The following STRAP variants were observed in gnomAD, a reference collection of about 807,000 sequenced individuals.
STRAP encodes the protein serine/threonine kinase receptor associated protein, also known as serine-threonine kinase receptor-associated protein.
A neutral mutation model predicts 47.0 loss-of-function variants in STRAP; 16 were observed. The ratio of observed to expected loss-of-function variants is 0.34; its 90% CI spans 0.23 to 0.52. The LOEUF (loss-of-function observed/expected upper bound fraction) is 0.52. Ranked by LOEUF, STRAP falls within the 20% of genes least tolerant of loss-of-function variation. The pLI, the probability that STRAP is intolerant of heterozygous loss-of-function variation, is 0.96. For synonymous variants in STRAP, 130 were observed against 142.7 expected (o/e 0.91, Z 0.63); for missense variants, 293 against 420.0 (o/e 0.70, Z 2.64).
rs1323503375 is a variant in STRAP at position 15,887,740 on chromosome 12, T to C, written c.249-2188T>C. Among the ~76,000 whole-genome samples, 1 of 152,182 alleles carries C rather than the reference T, an allele frequency of 6.6e-6. No homozygotes were observed. On this transcript the variant is annotated intron_variant, in intron 2 of 9. Transcript: ENST00000419869. This position sits in a 1 kb window ranked among gnomAD's most constrained non-coding sequence, Gnocchi z 5.5. The stretch of plus-strand genomic sequence containing the variant: ...AGATTTTAGAGCTGCCATGTTGGCG[T>C]TAGCCTGTAGCTACTTAGGAGGCTG...
In STRAP at chr12:15,883,163, C is replaced by T. The variant is rs767118947; in HGVS notation, c.112+344C>T. ...GATTTGGGGAAAGGAGAAATTAGGC[C>T]AGGCCGTGCAATACCTTACAAAGAC... On this transcript the variant is annotated intron_variant, in intron 1 of 9. Coordinates refer to ENST00000419869, the MANE Select transcript of STRAP (RefSeq NM_007178.4). 3.5e-5 allele frequency: 54 copies of T among 1,528,316 alleles called. 1 individual carries two copies. The South Asian group carries it at 5.8e-4, about 17-fold the overall frequency. The allele number at this position is 1,528,316 out of a possible 1,614,324, so 94.7% of individuals were successfully genotyped here.
chr12:15,882,679 C>A lies in STRAP; in HGVS notation c.-29C>A. ...AAAGACAACGACGACCCTCAGCTCG[C>A]CAGTCCGGTCGCTGGCTTCGCCGCC... On this transcript the variant is annotated 5_prime_UTR_variant, in exon 1 of 10. Transcript: ENST00000419869. 12 of 1,583,382 alleles carry A rather than the reference C, an allele frequency of 7.6e-6. No individual in the cohort carries two copies. The highest frequency in any genetic ancestry group is 1.0e-5 in the Non-Finnish European group (12 of 1,163,762).
intron 8 of STRAP, 85 bp from the exon 9 acceptor site, chr12:15,900,862 T>A: frequency 9.2e-7 from 1 of 1,087,752 alleles, no homozygotes; most frequent in Middle Eastern, 2.2e-4. Flanking sequence ...TGGAATAGTC[T>A]TATGTTGCTC....
At chr12:15,901,048 G>T in intron 9 of STRAP, 36 bp downstream of exon 9, 1 of 1,490,864 alleles carries the variant, frequency 6.7e-7, no homozygotes, top group South Asian at 1.4e-5. Flanking sequence ...TAAGAGTCTT[G>T]GGGGATTTAA....
intron 2 of STRAP, among the ~76,000 whole-genome samples, chr12:15,884,382 C>T (rs59525962): frequency 6.6e-6 from 1 of 152,206 alleles, no homozygotes; most frequent in South Asian, 2.1e-4. Context: ...CACTTCTCTA[C>T]TAATGATCTT....
intron 2 of STRAP, 31 bp from the exon 3 acceptor site, chr12:15,889,897 A>T: frequency 1.9e-6 from 3 of 1,569,374 alleles, no homozygotes; most frequent in Non-Finnish European, 2.6e-6. Flanking sequence ...GGTAATATTT[A>T]TCCTACTAAT....
rs1187545585 is a variant in STRAP at position 15,901,017 on chromosome 12, ATG to A, written c.991+6_991+7del. 5.7e-6 allele frequency: 9 copies of A among 1,581,630 alleles called. No homozygotes were observed. The highest frequency in any genetic ancestry group is 7.7e-6 in the Non-Finnish European group (9 of 1,164,742). ...AGACAACAGAAGAGGAGCTAGGTAA[ATG>A]CTATGGAATTGACTTTTGTAAGAGT... On this transcript the variant is annotated splice_donor_region_variant and intron_variant, in intron 9 of 9. Coordinates refer to ENST00000419869, the MANE Select transcript of STRAP (RefSeq NM_007178.4).
rs116303382 is a variant in STRAP at position 15,887,913 on chromosome 12, G to A, written c.249-2015G>A. 0.02 allele frequency among the ~76,000 whole-genome samples: 3,026 copies of A among 152,160 alleles called. 102 individuals are homozygous for A. Among genetic ancestry groups the A allele is most frequent in the African/African-American group, 0.07 (2,895 of 41,514 alleles). ...ATTAGCATATCAAAGGACATTGCCC[G>A]GGTTTCTTTGGAGACTTGTGAATAA... On this transcript the variant is annotated intron_variant, in intron 2 of 9. Transcript: ENST00000419869. The surrounding 1 kb of genome is among the most constrained non-coding windows in gnomAD (Gnocchi z 5.5).
At chr12:15,893,552 TTTA>T (rs1332492260) in intron 4 of STRAP, among the ~76,000 whole-genome samples, 1 of 147,386 alleles carries the variant, frequency 6.8e-6, no homozygotes, top group Admixed American at 6.8e-5. Context: ...TGCTTTTATA[TTTA>T]TTATACTTAT....
rs1312860195 is a variant in STRAP, at chr12:15,887,273, A to C, written c.249-2655A>C. Among the ~76,000 whole-genome samples the C allele has an allele frequency of 2.6e-5, 4 of 152,148 alleles. No individual in the cohort carries two copies. The highest frequency in any genetic ancestry group is 9.7e-5 in the African/African-American group (4 of 41,422). ...GACTTACGGTAAGTTCATTCTGAGG[A>C]TATGGAAAGTATCAGGCAGCATTAT... On this transcript the variant is annotated intron_variant, in intron 2 of 9. Coordinates refer to ENST00000419869, the MANE Select transcript of STRAP (RefSeq NM_007178.4). The surrounding 1 kb of genome is among the most constrained non-coding windows in gnomAD (Gnocchi z 5.5).
chr12:15,898,086 ATT>A (rs139633583), intron 7 of STRAP, 68 bp downstream of exon 7: 5 of 1,321,416 alleles, frequency 3.8e-6, no homozygotes, highest in Non-Finnish European at 5.1e-6. Flanking sequence ...TTAACACCTC[ATT>A]TATATATATA....
In STRAP at chr12:15,903,062, G is replaced by C. The variant is rs1565578642; in HGVS notation, c.*84G>C. ...CATCAGCCTTCCAGAGTTACTGTCT[G>C]CTTAAGGCAGAAACAGCAGTAAATA... On this transcript the variant is annotated 3_prime_UTR_variant, in exon 10 of 10. Transcript: ENST00000419869. 1 of 1,382,504 alleles carries C rather than the reference G, an allele frequency of 7.2e-7. No homozygotes were observed. Among genetic ancestry groups the C allele is most frequent in the Non-Finnish European group, 9.6e-7 (1 of 1,041,942 alleles). 85.6% of individuals were successfully genotyped at this position (1,382,504 alleles called of 1,614,324 possible).
chr12:15,898,051 T>C (rs1168344445), intron 7 of STRAP, 33 bp downstream of exon 7: 1 of 1,575,554 alleles, frequency 6.3e-7, no homozygotes, highest in East Asian at 2.4e-5. Context: ...TGTGGTTACC[T>C]TTATCATATG....
At chr12:15,884,442 A>G (rs1173136177) in intron 2 of STRAP, among the ~76,000 whole-genome samples, 1 of 151,888 alleles carries the variant, frequency 6.6e-6, no homozygotes, top group Non-Finnish European at 1.5e-5. Context: ...GATGTACATT[A>G]GAATATCTGG....
rs1008825336 is a variant in STRAP at position 15,887,343 on chromosome 12, A to G, written c.249-2585A>G. On this transcript the variant is annotated intron_variant, in intron 2 of 9. Coordinates refer to ENST00000419869, the MANE Select transcript of STRAP (RefSeq NM_007178.4). The surrounding 1 kb of genome is among the most constrained non-coding windows in gnomAD (Gnocchi z 5.5). ...TATAAGAGGTAACAGTAGTTTAAGG[A>G]GATGACAAGTACTTCGTGGGATGTG... Among the ~76,000 whole-genome samples, 1 of 152,200 alleles carries G rather than the reference A, an allele frequency of 6.6e-6. No individual in the cohort carries two copies. Among genetic ancestry groups the G allele is most frequent in the Non-Finnish European group, 1.5e-5 (1 of 68,024 alleles).
rs559327981 is a variant in STRAP at position 15,899,431 on chromosome 12, CAGA to C, written c.776-471_776-469del. Reference sequence around the variant, plus strand: ...ATCTATATCTCACCTTTCTGTGTGACAGAATAATTAGTGGACTGTAGGAAATTA... The same window carrying C: ...ATCTATATCTCACCTTTCTGTGTGACATAATTAGTGGACTGTAGGAAATTA... On this transcript the variant is annotated intron_variant, in intron 7 of 9. Transcript: ENST00000419869. Among the ~76,000 whole-genome samples the C allele has an allele frequency of 1.2e-3, 183 of 152,234 alleles. 1 individual carries two copies. Among genetic ancestry groups the C allele is most frequent in the African/African-American group, 4.2e-3 (174 of 41,542 alleles).
Position 15,894,060 on chromosome 12 carries a change from T to G in STRAP, c.417T>G (p.Ile139Met). 6.2e-7 allele frequency: 1 copy of G among 1,612,308 alleles called. No individual in the cohort carries two copies. The highest frequency in any genetic ancestry group is 8.5e-7 in the Non-Finnish European group (1 of 1,178,690). ...TTTTATCTCAAGAACCTAAGGAAAT[T>G]AGTGGTCATACTTCTGGTATAAAAA... ...LNKPEAEPKE[I>M]SGHTSGIKKA... The change falls in exon 5 of 10, where the codon ATT (isoleucine) becomes ATG (methionine). Residue 139 changes from isoleucine (I) to methionine (M), a missense_variant. Around this residue, in one of 5 missense-constraint regions of STRAP, gnomAD observed 152 missense variants for 183.0 expected, o/e 0.83. Transcript: ENST00000419869. This position sits in a 1 kb window ranked among gnomAD's most constrained non-coding sequence, Gnocchi z 4.9.
At chr12:15,902,508 C>T (rs1207264082) in intron 9 of STRAP, among the ~76,000 whole-genome samples, 5 of 152,176 alleles carry the variant, frequency 3.3e-5, no homozygotes, top group Non-Finnish European at 5.9e-5. Context: ...TAAGCACCTT[C>T]TTGCTAAAAC....
chr12:15,885,826 A>G (rs1020937978), intron 2 of STRAP, among the ~76,000 whole-genome samples: 2 of 152,158 alleles, frequency 1.3e-5, no homozygotes, highest in Admixed American at 1.3e-4. Context: ...TTGGTTTTGA[A>G]TATTAAATAA....
Sources: gnomAD v4.1 joint callset for allele counts (sites outside exome capture counted in the v4.1 genomes callset) on GRCh38, gnomAD v4.1.1 for gene constraint, gnomAD v4.1.1 regional missense constraint, Gnocchi (gnomAD v3.1) non-coding constraint, MANE v1.5 for transcripts, NCBI Gene and HGNC (gene_info 2026-07-23, HGNC 2026-07-21) for gene names.